CABCOCO1: variants seen among roughly 807,000 people sequenced by gnomAD.
The protein encoded by CABCOCO1 is ciliary-associated calcium-binding coiled-coil protein 1.
CABCOCO1 carries 28 observed loss-of-function variants against 35.7 expected under a neutral mutation model. The ratio of observed to expected loss-of-function variants is 0.78; its 90% confidence interval spans 0.58 to 1.07. The LOEUF (loss-of-function observed/expected upper bound fraction) is 1.07, where lower values mean the gene tolerates loss of function less well. Ranked by LOEUF, CABCOCO1 falls within the 50% of genes least tolerant of loss-of-function variation. The pLI, the probability that CABCOCO1 is intolerant of heterozygous loss-of-function variation, is 0.00. For synonymous variants in CABCOCO1, 95 were observed against 100.1 expected (o/e 0.95, Z 0.30); for missense variants, 326 against 309.2 (o/e 1.05, Z -0.41).
At chr10:61,736,732 A>C (rs752591397) in intron 5 of CABCOCO1, among the ~76,000 whole-genome samples, 3 of 152,188 alleles carry the variant, frequency 2.0e-5, no homozygotes, top group Non-Finnish European at 4.4e-5. Flanking sequence ...TACTTTGGGC[A>C]ATATAGCCAT....
At chr10:61,685,007 A>T (rs1037105323) in intron 3 of CABCOCO1, 1 of 152,200 alleles carries the variant, frequency 6.6e-6, no homozygotes, top group Non-Finnish European at 1.5e-5. Context: ...ATTGGTGTGT[A>T]GCTGTGAAAG....
chr10:61,701,896 T>C (rs1056359413), intron 5 of CABCOCO1: 17 of 775,640 alleles, frequency 2.2e-5, no homozygotes, highest in Non-Finnish European at 2.3e-5. Flanking sequence ...ATTTGTCTTG[T>C]CTGCATAACT....
chr10:61,714,643 GC>G (rs1437090218), intron 5 of CABCOCO1, among the ~76,000 whole-genome samples: 1 of 152,062 alleles, frequency 6.6e-6, no homozygotes, highest in Non-Finnish European at 1.5e-5. Context: ...TCTTTTGTGG[GC>G]ATTTAGTGCT....
At chr10:61,761,411 C>A (rs1721906511) in intron 7 of CABCOCO1, among the ~76,000 whole-genome samples, 1 of 152,062 alleles carries the variant, frequency 6.6e-6, no homozygotes, top group Admixed American at 6.6e-5. Context: ...CTTTGAACTG[C>A]CTCTCAGACA....
chr10:61,755,753 A>G (rs2132086535), intron 5 of CABCOCO1, among the ~76,000 whole-genome samples: 1 of 152,150 alleles, frequency 6.6e-6, no homozygotes, highest in African/African-American at 2.4e-5. Flanking sequence ...ACTTTCTCCA[A>G]ACAAGCATTA....
intron 4 of CABCOCO1, among the ~76,000 whole-genome samples, chr10:61,688,651 C>T (rs1245167713): frequency 6.6e-6 from 1 of 152,190 alleles, no homozygotes; most frequent in Non-Finnish European, 1.5e-5. Context: ...CTCAGGTGTA[C>T]ACTCAATATA....
chr10:61,758,370 C>CA (rs1841941303), intron 5 of CABCOCO1, among the ~76,000 whole-genome samples: 1 of 151,956 alleles, frequency 6.6e-6, no homozygotes, highest in East Asian at 1.9e-4. Context: ...GGATGAAAAA[C>CA]AAGAGTGCTG....
chr10:61,760,227 T>G (rs1841981273), intron 6 of CABCOCO1, 46 bp downstream of exon 6: 1 of 1,591,386 alleles, frequency 6.3e-7, no homozygotes, highest in Admixed American at 1.7e-5. Flanking sequence ...CATCATTATA[T>G]TCTCTTGGGG....
chr10:61,714,858 T>G (rs185391459), intron 5 of CABCOCO1, among the ~76,000 whole-genome samples: 181 of 152,338 alleles, frequency 1.2e-3, no homozygotes, highest in African/African-American at 4.1e-3. Flanking sequence ...CTAATTTGAT[T>G]GCACTGTGGT....
intron 7 of CABCOCO1, among the ~76,000 whole-genome samples, chr10:61,765,526 T>C (rs1356442953): frequency 6.6e-6 from 1 of 152,198 alleles, no homozygotes; most frequent in Non-Finnish European, 1.5e-5. Context: ...TGGGATCTCA[T>C]TTAGAATGTA....
intron 5 of CABCOCO1, 141 bp from the exon 6 acceptor site, chr10:61,759,918 G>T: frequency 9.6e-7 from 1 of 1,046,982 alleles, no homozygotes; most frequent in Non-Finnish European, 1.4e-6. Flanking sequence ...GACAAAAAGG[G>T]CAATGGCATC....
chr10:61,687,165 A>G (rs1186043526), intron 4 of CABCOCO1, among the ~76,000 whole-genome samples: 2 of 152,218 alleles, frequency 1.3e-5, no homozygotes, highest in African/African-American at 4.8e-5. Flanking sequence ...TAATAATGTC[A>G]TATGATATAC....
At position 61,760,196 on chromosome 10, in the gene CABCOCO1, G is replaced by T; in HGVS notation, c.675+15G>T. 6.2e-7 allele frequency: 1 copy of T among 1,608,920 alleles called. No homozygotes were observed. The highest frequency in any genetic ancestry group is 8.5e-7 in the Non-Finnish European group (1 of 1,176,166). ...CGGAAATGAAGGTATATTTCTTTTTGTCTTTCCATTCACCCTACCTCATCA... is the reference window on the plus strand; with the variant it reads ...CGGAAATGAAGGTATATTTCTTTTTTTCTTTCCATTCACCCTACCTCATCA... On this transcript the variant is annotated intron_variant, in intron 6 of 7. Coordinates refer to ENST00000648843, the MANE Select transcript of CABCOCO1 (RefSeq NM_001366906.2).
At chr10:61,721,901 A>T (rs535230190) in intron 5 of CABCOCO1, among the ~76,000 whole-genome samples, 100 of 152,312 alleles carry the variant, frequency 6.6e-4, no homozygotes, top group African/African-American at 2.4e-3. Context: ...GTTGAACGTA[A>T]TTATGCAGAC....
At chr10:61,678,529 A>T (rs1025992218) in intron 2 of CABCOCO1, among the ~76,000 whole-genome samples, 25 of 152,128 alleles carry the variant, frequency 1.6e-4, no homozygotes, top group African/African-American at 5.5e-4. Context: ...AAAATTAAAA[A>T]TACACAATGT....
At chr10:61,750,483 G>A (rs369429492) in intron 5 of CABCOCO1, among the ~76,000 whole-genome samples, 53 of 152,276 alleles carry the variant, frequency 3.5e-4, no homozygotes, top group Admixed American at 1.7e-3. Context: ...GGCTGAGGCA[G>A]GAGAATTGCT....
chr10:61,685,570 G>A (rs896541825), intron 3 of CABCOCO1, among the ~76,000 whole-genome samples: 3 of 152,012 alleles, frequency 2.0e-5, no homozygotes, highest in Admixed American at 6.6e-5. Flanking sequence ...CAGGGTCAGC[G>A]CTATTCCTGA....
intron 3 of CABCOCO1, among the ~76,000 whole-genome samples, chr10:61,682,537 T>C (rs1209701435): frequency 6.6e-6 from 1 of 152,208 alleles, no homozygotes; most frequent in African/African-American, 2.4e-5. Flanking sequence ...CCCTGGTGTA[T>C]GATGTGAATG....
chr10:61,766,068 C>A lies in CABCOCO1; in HGVS notation c.*55C>A. On this transcript the variant is annotated 3_prime_UTR_variant, in exon 8 of 8. Transcript: ENST00000648843. ...CTTCACAGAAACAAACAAAACCAGCCAGAATAACAGACTCTCTGGAGCGTC... is the reference window on the plus strand; with the variant it reads ...CTTCACAGAAACAAACAAAACCAGCAAGAATAACAGACTCTCTGGAGCGTC... The A allele has an allele frequency of 6.8e-7, 1 of 1,470,378 alleles. No individual in the cohort carries two copies. The highest frequency in any genetic ancestry group is 9.4e-7 in the Non-Finnish European group (1 of 1,059,238). The allele number at this position is 1,470,378 out of a possible 1,614,324, so 91.1% of individuals were successfully genotyped here. A position where few individuals can be genotyped will look rare whatever the true frequency, so the allele number is the denominator to read the frequency against.
Sources: allele counts gnomAD v4.1 joint callset (sites outside exome capture counted in the v4.1 genomes callset), GRCh38; gene constraint gnomAD v4.1.1; transcripts MANE v1.5; gene names NCBI Gene and HGNC (gene_info 2026-07-23, HGNC 2026-07-21).